The following SEMA5B variants were observed in gnomAD, a reference collection of about 807,000 sequenced individuals.
The protein encoded by SEMA5B is semaphorin 5B, also known as semaphorin-5B.
SEMA5B carries 66 observed loss-of-function variants against 135.0 expected under a neutral mutation model. The ratio of observed to expected loss-of-function variants is 0.49; its 90% CI spans 0.40 to 0.60. The LOEUF (loss-of-function observed/expected upper bound fraction) is 0.60. Among genes scored for constraint, SEMA5B ranks in the 20% least tolerant of loss-of-function variants. The pLI, the probability that SEMA5B is intolerant of heterozygous loss-of-function variation, is 0.00. For synonymous variants in SEMA5B, 690 were observed against 639.5 expected, an observed-to-expected ratio of 1.08 and a Z score of -1.19; for missense variants, 1,501 against 1,566.3, an observed-to-expected ratio of 0.96 and a Z score of 0.70.
chr3:122,926,846 A>G (rs1459970425), intron 8 of SEMA5B, among the ~76,000 whole-genome samples, 169 bp from the exon 9 acceptor site: 4 of 152,086 alleles, frequency 2.6e-5, no homozygotes, highest in Non-Finnish European at 5.9e-5. Flanking sequence ...CACTTCCAAT[A>G]CCAAGGGCAG....
At position 122,913,323 on chromosome 3, in the gene SEMA5B, C is replaced by G; in HGVS notation, c.2382G>C (p.Gln794His). The G allele has an allele frequency of 6.4e-7, 1 of 1,572,752 alleles. No individual in the cohort carries two copies. The highest frequency in any genetic ancestry group is 8.6e-7 in the Non-Finnish European group (1 of 1,168,070). Residue 794 changes from glutamine to histidine, a missense_variant, in exon 17 of 23, where the codon CAG becomes CAC. Physicochemically the swap from Gln to His is conservative, Grantham distance 24. This residue lies in a region of SEMA5B where 927 missense variants were observed against 881.6 expected (regional missense o/e 1.05). Transcript: ENST00000357599. ...GGCAGGTGAAGCGGAACCGCTGCTC[C>G]TGCCGTGCCCCGCCCTGCGTCACGT... The part of the protein sequence containing the change: ...PVNVTQGGAR[Q>H]EQRFRFTCRA...
intron 1 of SEMA5B, 91 bp from the exon 2 acceptor site, chr3:122,961,392 C>G: frequency 8.6e-7 from 1 of 1,161,530 alleles, no homozygotes; most frequent in Non-Finnish European, 1.2e-6. Flanking sequence ...GCCCCAGGGA[C>G]CACATGGTTG....
chr3:122,963,533 A>T (rs1455693026), intron 1 of SEMA5B, among the ~76,000 whole-genome samples: 1 of 152,080 alleles, frequency 6.6e-6, no homozygotes, highest in Non-Finnish European at 1.5e-5. Context: ...GAAAAGAAAA[A>T]GCTGTGATAT....
At chr3:122,962,358 A>T (rs2107609350) in intron 1 of SEMA5B, among the ~76,000 whole-genome samples, 1 of 152,362 alleles carries the variant, frequency 6.6e-6, no homozygotes, top group Middle Eastern at 3.4e-3. Flanking sequence ...TCAGGGAAGA[A>T]GGAGCTACTG....
rs761710015 is a variant in SEMA5B, at chr3:122,913,342, G to A, written c.2363C>T (p.Thr788Met). The part of the protein sequence containing the change: ...PWTPWLPVNV[T>M]QGGARQEQRF... ...CTGCTCCTGCCGTGCCCCGCCCTGC[G>A]TCACGTTCACGGGCAGCCACGGCGT... is the stretch of plus-strand genomic sequence containing the variant. The change falls in exon 17 of 23, where the codon ACG becomes ATG. Residue 788 changes from threonine to methionine, a missense_variant. By Grantham distance (81) the Thr-to-Met change is moderately conservative. Around this residue, in one of 2 missense-constraint regions of SEMA5B, gnomAD observed 927 missense variants for 881.6 expected, o/e 1.05. Transcript: ENST00000357599. The A allele has an allele frequency of 6.3e-7, 1 of 1,580,900 alleles. No homozygotes were observed. Among genetic ancestry groups the A allele is most frequent in the South Asian group, 1.1e-5 (1 of 88,720 alleles).
chr3:122,952,028 C>CA (rs1940071731), intron 2 of SEMA5B, among the ~76,000 whole-genome samples: 1 of 152,216 alleles, frequency 6.6e-6, no homozygotes, highest in Non-Finnish European at 1.5e-5. Context: ...CTTCTCCCCC[C>CA]ACTCCCTCCC....
chr3:123,016,890 ATT>A (rs59106085), intron 1 of SEMA5B, among the ~76,000 whole-genome samples: 12,447 of 108,480 alleles, frequency 0.11, 1,606 homozygotes, highest in African/African-American at 0.41. Context: ...CCTCAGGTGC[ATT>A]TTTTTTTTTT....
chr3:122,981,116 G>A lies in SEMA5B; in HGVS notation c.-38-19815C>T, dbSNP rs192878347. ...ACACACACTTGGCTCTTGCAGGCTG[G>A]TGTGTGTTAAATGGACATGTGCTTG... is the stretch of plus-strand genomic sequence containing the variant. On this transcript the variant is annotated intron_variant, in intron 1 of 22. Coordinates refer to ENST00000357599, the MANE Select transcript of SEMA5B (RefSeq NM_001031702.4). Among the ~76,000 whole-genome samples the A allele has an allele frequency of 9.8e-5, 15 of 152,390 alleles. No homozygotes were observed. In the East Asian group the frequency reaches 2.9e-3, roughly 29 times the overall value.
chr3:122,982,228 G>A (rs1209151064), intron 1 of SEMA5B, among the ~76,000 whole-genome samples: 1 of 152,176 alleles, frequency 6.6e-6, no homozygotes, highest in Non-Finnish European at 1.5e-5. Flanking sequence ...CTCTAGTGAG[G>A]GCATAGTCTC....
At chr3:122,919,315 A>G (rs545825743) in intron 12 of SEMA5B, among the ~76,000 whole-genome samples, 1 of 152,264 alleles carries the variant, frequency 6.6e-6, no homozygotes, top group African/African-American at 2.4e-5. Context: ...GAAGGAGGAA[A>G]GGGGTGGTTC....
chr3:122,956,463 GAGTGAC>G (rs927608580), intron 2 of SEMA5B, among the ~76,000 whole-genome samples: 6 of 152,204 alleles, frequency 3.9e-5, no homozygotes, highest in African/African-American at 1.4e-4. Context: ...TGAAATTGGC[GAGTGAC>G]AGTGAAGGAG....
intron 1 of SEMA5B, among the ~76,000 whole-genome samples, chr3:122,982,591 GT>G (rs1330691998): frequency 1.3e-5 from 2 of 152,210 alleles, no homozygotes; most frequent in African/African-American, 4.8e-5. Flanking sequence ...TTTTTATTTG[GT>G]TTTTTCAAGT....
chr3:122,935,689 T>TC (rs201732642), intron 5 of SEMA5B, among the ~76,000 whole-genome samples: 16 of 24,884 alleles, frequency 6.4e-4, no homozygotes, highest in Non-Finnish European at 2.1e-3. Flanking sequence ...TTTCTTTCTT[T>TC]TTTTTTTTTT....
chr3:122,922,206 G>A (rs374000430), intron 11 of SEMA5B, 34 bp downstream of exon 11: 5 of 1,586,384 alleles, frequency 3.2e-6, no homozygotes, highest in Middle Eastern at 3.6e-4. Flanking sequence ...ACCCACCCCC[G>A]ACCTGCAGTC....
intron 1 of SEMA5B, among the ~76,000 whole-genome samples, chr3:122,995,779 C>T (rs1366820530): frequency 6.6e-6 from 1 of 152,204 alleles, no homozygotes; most frequent in Non-Finnish European, 1.5e-5. Context: ...ACTGTATCTT[C>T]CTCTTTGAAA....
chr3:122,910,347 A>AG, intron 22 of SEMA5B, 46 bp from the exon 23 acceptor site: 1 of 1,601,574 alleles, frequency 6.2e-7, no homozygotes, highest in Non-Finnish European at 8.5e-7. Flanking sequence ...GGGAACACAC[A>AG]GGGGAAGGGA....
At chr3:122,950,310 A>G (rs4677983) in intron 2 of SEMA5B, among the ~76,000 whole-genome samples, 127,681 of 152,228 alleles carry the variant, frequency 0.84, 54,206 homozygotes, top group Non-Finnish European at 0.9. Flanking sequence ...GGCCACTACC[A>G]TATACTACTG....
At chr3:123,015,685 A>T (rs180985812) in intron 1 of SEMA5B, among the ~76,000 whole-genome samples, 1 of 152,164 alleles carries the variant, frequency 6.6e-6, no homozygotes, top group Non-Finnish European at 1.5e-5. Flanking sequence ...CAGAGAAATA[A>T]AATAATTATA....
intron 3 of SEMA5B, among the ~76,000 whole-genome samples, chr3:122,945,005 C>CAGAGAG (rs111801095): frequency 1.3e-5 from 2 of 150,210 alleles, no homozygotes; most frequent in Admixed American, 1.3e-4. Context: ...GAGAGAGAGG[C>CAGAGAG]AGAGAGAGAG....
Sources: gnomAD v4.1 joint callset for allele counts (sites outside exome capture counted in the v4.1 genomes callset) on GRCh38, gnomAD v4.1.1 for gene constraint, gnomAD v4.1.1 regional missense constraint, MANE v1.5 for transcripts, NCBI Gene and HGNC (gene_info 2026-07-23, HGNC 2026-07-21) for gene names.